The following PTPRG variants were observed in gnomAD, a reference collection of about 807,000 sequenced individuals.
PTPRG encodes protein tyrosine phosphatase receptor type G.
Under a neutral mutation model 165.3 loss-of-function variants are expected in PTPRG, and 102 were observed. That is an observed-to-expected ratio of 0.62 (90% CI 0.53 to 0.73). The LOEUF is 0.73. Among genes scored for constraint, PTPRG ranks in the 30% least tolerant of loss-of-function variants. The pLI is 0.00. For synonymous variants in PTPRG, 675 were observed against 669.5 expected (o/e 1.01, Z -0.13); for missense variants, 1,866 against 1,861.4 (o/e 1.00, Z -0.05).
At chr3:61,868,713 A>G (rs1008903323) in intron 2 of PTPRG, among the ~76,000 whole-genome samples, 1 of 152,186 alleles carries the variant, frequency 6.6e-6, no homozygotes, top group African/African-American at 2.4e-5. Flanking sequence ...AGCACAAATA[A>G]AGCAAACTCT....
At chr3:61,660,001 C>T (rs1188424600) in intron 1 of PTPRG, among the ~76,000 whole-genome samples, 3 of 151,974 alleles carry the variant, frequency 2.0e-5, no homozygotes, top group Non-Finnish European at 4.4e-5. Flanking sequence ...CCAGGGCAGG[C>T]GGATCACGAG....
Position 62,237,274 on chromosome 3 carries a change from G to C in PTPRG, c.2375+5963G>C, listed in dbSNP as rs901336471. ...TAAGAATTCCTGGGTGGAAATGGGG[G>C]GTCAGAAGTCTAGAGGTTTTTTTGT... On this transcript the variant is annotated intron_variant, in intron 14 of 29. Coordinates refer to ENST00000474889, the MANE Select transcript of PTPRG (RefSeq NM_002841.4). This position sits in a 1 kb window ranked among gnomAD's most constrained non-coding sequence, Gnocchi z 4.5. Among the ~76,000 whole-genome samples, 5 of 152,052 alleles carry C rather than the reference G, an allele frequency of 3.3e-5. No homozygotes were observed. The highest frequency in any genetic ancestry group is 5.9e-5 in the Non-Finnish European group (4 of 68,016).
intron 8 of PTPRG, among the ~76,000 whole-genome samples, chr3:62,186,526 A>G (rs1705892200): frequency 6.7e-6 from 1 of 148,924 alleles, no homozygotes; most frequent in South Asian, 2.1e-4. Flanking sequence ...CATCGGCCTC[A>G]GAGGGGAAGC....
intron 1 of PTPRG, among the ~76,000 whole-genome samples, chr3:61,580,627 G>A (rs991926019): frequency 2.6e-5 from 4 of 152,064 alleles, no homozygotes; most frequent in African/African-American, 4.8e-5. Flanking sequence ...GAGCCAATGC[G>A]CCCGGCCATC....
rs753172956 is a variant in PTPRG at position 62,191,492 on chromosome 3, A to G, written c.1057A>G (p.Met353Val). Residue 353 changes from methionine to valine, a missense_variant, in exon 9 of 30, where the codon ATG becomes GTG. By Grantham distance (21) the Met-to-Val change is conservative. Coordinates refer to ENST00000474889, the MANE Select transcript of PTPRG (RefSeq NM_002841.4). ...SKVCSSPPIH[M>V]KVQPLNQTAL... ...AGTTTGCAGCTCTCCACCCATCCAC[A>G]TGAAGGTGCAGCCTCTGAACCAGAC... 4 of 1,614,022 alleles carry G rather than the reference A, an allele frequency of 2.5e-6. No homozygotes were observed. The highest frequency in any genetic ancestry group is 1.1e-5 in the South Asian group (1 of 91,056).
intron 2 of PTPRG, among the ~76,000 whole-genome samples, chr3:61,762,063 A>G (rs17065308): frequency 0.16 from 23,985 of 152,102 alleles, 2,525 homozygotes; most frequent in East Asian, 0.52. Flanking sequence ...TGCAAAGATG[A>G]GCGAAGGCAT....
In PTPRG at chr3:62,239,360, C is replaced by CTT. The variant is rs776921598; in HGVS notation, c.2376-4429_2376-4428dup. Among the ~76,000 whole-genome samples the CTT allele has an allele frequency of 1.3e-3, 158 of 124,506 alleles. 1 individual carries two copies. The highest frequency in any genetic ancestry group is 9.6e-3 in the East Asian group (41 of 4,264). 81.7% of individuals were successfully genotyped at this position (124,506 alleles called of 152,430 possible). On this transcript the variant is annotated intron_variant, in intron 14 of 29. Coordinates refer to ENST00000474889, the MANE Select transcript of PTPRG (RefSeq NM_002841.4). ...TTCTTTCTTTCTTTCTTTTTTCTTTCTTTTTTTTTTTTTTTTTTTGAGACC... is the reference window on the plus strand; with the variant it reads ...TTCTTTCTTTCTTTCTTTTTTCTTTCTTTTTTTTTTTTTTTTTTTTTGAGACC...
At chr3:62,148,571 C>T (rs972945376) in intron 6 of PTPRG, among the ~76,000 whole-genome samples, 1 of 152,082 alleles carries the variant, frequency 6.6e-6, no homozygotes, top group South Asian at 2.1e-4. Context: ...TGAGACCAGC[C>T]TGGGCAACAT....
intron 2 of PTPRG, among the ~76,000 whole-genome samples, chr3:61,753,146 G>T (rs928096612): frequency 1.9e-4 from 29 of 152,038 alleles, no homozygotes; most frequent in Non-Finnish European, 1.9e-4. Context: ...GTAAAAAAGG[G>T]GGACATAATA....
rs536605718 is a variant in PTPRG at position 61,645,330 on chromosome 3, T to C, written c.85+82958T>C. On this transcript the variant is annotated intron_variant, in intron 1 of 29. Transcript: ENST00000474889. ...ATGCTGTGTGTTTGCCCACCTGTTGTTTGGAACTCCTTTCTAGGTTTTGGC... is the reference window on the plus strand; with the variant it reads ...ATGCTGTGTGTTTGCCCACCTGTTGCTTGGAACTCCTTTCTAGGTTTTGGC... Among the ~76,000 whole-genome samples, 266 of 152,354 alleles carry C rather than the reference T, an allele frequency of 1.7e-3. 2 individuals are homozygous for C. Among genetic ancestry groups the C allele is most frequent in the Middle Eastern group, 3.4e-3 (1 of 294 alleles).
intron 2 of PTPRG, among the ~76,000 whole-genome samples, chr3:61,817,150 TATATAATATATAATATATA>T (rs1281523322): frequency 8.6e-6 from 1 of 116,460 alleles, no homozygotes; most frequent in African/African-American, 3.6e-5. Flanking sequence ...ATATTACATA[TATATAATATATAATATATA>T]ATAATATATA....
At chr3:62,147,563 TG>T (rs1704167990) in intron 6 of PTPRG, among the ~76,000 whole-genome samples, 1 of 152,196 alleles carries the variant, frequency 6.6e-6, no homozygotes. Context: ...ATTAGCAACA[TG>T]TTTCCTTTAT....
intron 1 of PTPRG, among the ~76,000 whole-genome samples, chr3:61,620,106 A>G (rs547710122): frequency 5.9e-5 from 9 of 152,146 alleles, no homozygotes; most frequent in African/African-American, 1.9e-4. Flanking sequence ...TAATAAAAGG[A>G]CTTTCTTGAA....
chr3:61,956,090 T>TTATATATATA (rs139960761), intron 2 of PTPRG, among the ~76,000 whole-genome samples: 16 of 149,074 alleles, frequency 1.1e-4, no homozygotes, highest in African/African-American at 4.0e-4. Context: ...GGGAAAAAAA[T>TTATATATATA]TATATATATA....
chr3:61,991,442 G>A (rs1281983313), intron 3 of PTPRG, among the ~76,000 whole-genome samples: 4 of 152,162 alleles, frequency 2.6e-5, no homozygotes, highest in African/African-American at 9.7e-5. Flanking sequence ...CTGACCTCAG[G>A]TGATCTCCTC....
At chr3:62,155,108 C>G (rs1704486701) in intron 6 of PTPRG, among the ~76,000 whole-genome samples, 1 of 152,208 alleles carries the variant, frequency 6.6e-6, no homozygotes, top group African/African-American at 2.4e-5. Context: ...TCCGTTATTT[C>G]TAGCCTTTTG....
chr3:61,703,526 G>T (rs567612533), intron 1 of PTPRG, among the ~76,000 whole-genome samples: 32 of 152,270 alleles, frequency 2.1e-4, no homozygotes, highest in Admixed American at 2.0e-3. Context: ...CACAGGGCTG[G>T]GGGAGTTGAT....
At chr3:61,585,017 A>G (rs933672887) in intron 1 of PTPRG, among the ~76,000 whole-genome samples, 4 of 152,198 alleles carry the variant, frequency 2.6e-5, no homozygotes, top group African/African-American at 9.6e-5. Flanking sequence ...GTGGTGGTTC[A>G]CGCCTGTAAT....
chr3:62,203,896 A>C lies in PTPRG; in HGVS notation c.2101A>C (p.Met701Leu). The C allele has an allele frequency of 6.2e-7, 1 of 1,612,116 alleles. No homozygotes were observed. The highest frequency in any genetic ancestry group is 1.1e-5 in the South Asian group (1 of 90,840). Reference sequence around the variant, plus strand: ...GCCCGAAATGCCATCTAAAAAGCCTATGTCCCGCGGGGACCGATTTTCTGA... The same window carrying C: ...GCCCGAAATGCCATCTAAAAAGCCTCTGTCCCGCGGGGACCGATTTTCTGA... ...KRPEMPSKKPMSRGDRFSEDS... is the reference protein window; with the variant it reads ...KRPEMPSKKPLSRGDRFSEDS... The change falls in exon 12 of 30, where the codon ATG becomes CTG. Residue 701 changes from methionine (M) to leucine (L), a missense_variant. Coordinates refer to ENST00000474889, the MANE Select transcript of PTPRG (RefSeq NM_002841.4). The surrounding 1 kb of genome is among the most constrained non-coding windows in gnomAD (Gnocchi z 6.4).
Sources: gnomAD v4.1 joint callset for allele counts (sites outside exome capture counted in the v4.1 genomes callset) on GRCh38, gnomAD v4.1.1 for gene constraint, Gnocchi (gnomAD v3.1) non-coding constraint, MANE v1.5 for transcripts, NCBI Gene and HGNC (gene_info 2026-07-23, HGNC 2026-07-21) for gene names.